TNS3: variants seen among roughly 807,000 people sequenced by gnomAD.
TNS3 encodes the protein tensin-3.
Under a neutral mutation model 140.9 loss-of-function variants are expected in TNS3, and 45 were observed. The ratio of observed to expected loss-of-function variants is 0.32; its 90% confidence interval spans 0.25 to 0.41. TNS3 has a LOEUF of 0.41. Among genes scored for constraint, TNS3 ranks in the 10% least tolerant of loss-of-function variants. The pLI is 1.00. For synonymous variants in TNS3, 815 were observed against 788.4 expected, an observed-to-expected ratio of 1.03 and a Z score of -0.56; for missense variants, 1,716 against 1,906.7, an observed-to-expected ratio of 0.90 and a Z score of 1.86.
intron 1 of TNS3, among the ~76,000 whole-genome samples, chr7:47,549,634 C>G (rs1387941271): frequency 2.0e-5 from 3 of 152,116 alleles, no homozygotes; most frequent in Non-Finnish European, 2.9e-5. Context: ...GCTCACTTCC[C>G]CCAGATCCCT....
At chr7:47,329,285 G>C (rs527274184) in intron 20 of TNS3, among the ~76,000 whole-genome samples, 1 of 152,250 alleles carries the variant, frequency 6.6e-6, no homozygotes, top group Non-Finnish European at 1.5e-5. Flanking sequence ...TTCAAATGCT[G>C]GTGTGTCACC....
At chr7:47,487,725 C>A in intron 3 of TNS3, among the ~76,000 whole-genome samples, 1 of 152,236 alleles carries the variant, frequency 6.6e-6, no homozygotes. Context: ...AGAGACATCA[C>A]CTTATGCACA....
In TNS3 at chr7:47,304,950, G is replaced by A. The variant is rs1343442825; in HGVS notation, c.2704C>T (p.Pro902Ser). Residue 902 changes from proline to serine, a missense_variant, in exon 21 of 31, where the codon CCC becomes TCC. Around this residue, in one of 3 missense-constraint regions of TNS3, gnomAD observed 1,163 missense variants for 1,182.1 expected, o/e 0.98. Transcript: ENST00000311160. Reference protein sequence around the residue: ...LTHAVGMSESPIGPKSTMLRA... With the variant: ...LTHAVGMSESSIGPKSTMLRA... ...AGCATCGTGGATTTGGGTCCGATGG[G>A]GCTCTCTGACATCCCCACAGCGTGA... The A allele has an allele frequency of 2.1e-5, 30 of 1,423,472 alleles. No homozygotes were observed. Among genetic ancestry groups the A allele is most frequent in the Non-Finnish European group, 2.8e-5 (30 of 1,074,526 alleles). 88.2% of individuals were successfully genotyped at this position (1,423,472 alleles called of 1,614,324 possible).
intron 8 of TNS3, among the ~76,000 whole-genome samples, chr7:47,432,825 A>G (rs1375428205): frequency 6.6e-6 from 1 of 152,216 alleles, no homozygotes; most frequent in African/African-American, 2.4e-5. Flanking sequence ...AGCTCACAGG[A>G]TGTAGAAAAC....
At position 47,389,059 on chromosome 7, in the gene TNS3, AGAAGAAGAAGAAGAAGAAGAAGAAGAG is replaced by A. The variant is rs1349881152; in HGVS notation, c.1024+7714_1024+7740del. Among the ~76,000 whole-genome samples, 11 of 38,318 alleles carry A rather than the reference AGAAGAAGAAGAAGAAGAAGAAGAAGAG, an allele frequency of 2.9e-4. 1 individual carries two copies. Among genetic ancestry groups the A allele is most frequent in the African/African-American group, 1.0e-3 (10 of 10,046 alleles). 25.1% of individuals were successfully genotyped at this position (38,318 alleles called of 152,430 possible). A position where few individuals can be genotyped will look rare whatever the true frequency, so the allele number is the denominator to read the frequency against. On this transcript the variant is annotated intron_variant, in intron 16 of 30. Coordinates refer to ENST00000311160, the MANE Select transcript of TNS3 (RefSeq NM_022748.12). Reference sequence around the variant, plus strand: ...AAGAAGAAGAAGAAGAAGAAGAAGAAGAAGAAGAAGAAGAAGAAGAAGAAGAGGAAGAGGAAGAGGAAGCGGAAGCAG... The same window carrying A: ...AAGAAGAAGAAGAAGAAGAAGAAGAAGAAGAGGAAGAGGAAGCGGAAGCAG...
intron 20 of TNS3, among the ~76,000 whole-genome samples, chr7:47,334,889 G>A (rs1430361880): frequency 6.6e-6 from 1 of 152,052 alleles, no homozygotes; most frequent in Non-Finnish European, 1.5e-5. Context: ...TTACAGGCAT[G>A]AGCCACTGCG....
intron 1 of TNS3, among the ~76,000 whole-genome samples, chr7:47,541,228 G>A (rs1799776665): frequency 6.6e-6 from 1 of 152,126 alleles, no homozygotes; most frequent in Non-Finnish European, 1.5e-5. Context: ...TCTAGAATGG[G>A]GGACATTATA....
chr7:47,353,877 C>T (rs1366364175), intron 17 of TNS3, among the ~76,000 whole-genome samples: 1 of 152,080 alleles, frequency 6.6e-6, no homozygotes, highest in Non-Finnish European at 1.5e-5. Context: ...TCAGGTCTCA[C>T]TCCGCAACCT....
At chr7:47,556,740 G>T (rs1193527399) in intron 1 of TNS3, among the ~76,000 whole-genome samples, 1 of 152,344 alleles carries the variant, frequency 6.6e-6, no homozygotes, top group East Asian at 1.9e-4. Context: ...ATCTTCAGGG[G>T]CTGCAAAGTG....
chr7:47,368,522 C>T lies in TNS3; in HGVS notation c.2124G>A (p.Glu708=), dbSNP rs745461538. 6 of 1,590,164 alleles carry T rather than the reference C, an allele frequency of 3.8e-6. No individual in the cohort carries two copies. The South Asian group carries it at 6.8e-5, about 18-fold the overall frequency. Residue 708 remains glutamate (E), a synonymous_variant, in exon 17 of 31, where the codon GAG becomes GAA. Transcript: ENST00000311160. ...GGATGGGCTCGAAGGTGGGATCCAG[C>T]TCCAGGATCAGCCTGTTGAGCTGCT... ...SIEQLNRLIL[E]LDPTFEPIPT...
chr7:47,395,294 C>T (rs929995933), intron 16 of TNS3, among the ~76,000 whole-genome samples: 2 of 152,184 alleles, frequency 1.3e-5, no homozygotes, highest in East Asian at 1.9e-4. Flanking sequence ...ATTTAGGATG[C>T]TAAGTCAGCT....
intron 17 of TNS3, among the ~76,000 whole-genome samples, chr7:47,356,729 TATC>T (rs1191094332): frequency 6.6e-6 from 1 of 152,140 alleles, no homozygotes; most frequent in Non-Finnish European, 1.5e-5. Flanking sequence ...ACAAACAAAA[TATC>T]ATGTTAAACA....
rs549790406 is a variant in TNS3 at position 47,434,904 on chromosome 7, T to A, written c.324+378A>T. Among the ~76,000 whole-genome samples, 5 of 152,362 alleles carry A rather than the reference T, an allele frequency of 3.3e-5. No homozygotes were observed. The East Asian group carries it at 9.6e-4, about 29-fold the overall frequency. ...CTGATTACCATAACTCAAGATGGCA[T>A]GGAAAGTCTGACACAGTCCATCTGA... On this transcript the variant is annotated intron_variant, in intron 8 of 30. Coordinates refer to ENST00000311160, the MANE Select transcript of TNS3 (RefSeq NM_022748.12).
intron 17 of TNS3, among the ~76,000 whole-genome samples, chr7:47,346,850 G>C (rs770227427): frequency 6.6e-6 from 1 of 152,118 alleles, no homozygotes; most frequent in Non-Finnish European, 1.5e-5. Flanking sequence ...ATTCTGGAGA[G>C]GGAAAAAACC....
chr7:47,574,789 A>C (rs139593682), intron 1 of TNS3, among the ~76,000 whole-genome samples: 169 of 152,306 alleles, frequency 1.1e-3, no homozygotes, highest in Non-Finnish European at 1.9e-3. Context: ...TTCCACTTGT[A>C]TGAGGCACCC....
intron 13 of TNS3, among the ~76,000 whole-genome samples, chr7:47,406,594 A>G (rs956829358): frequency 6.6e-6 from 1 of 152,206 alleles, no homozygotes; most frequent in African/African-American, 2.4e-5. Context: ...CCGCCTGGGA[A>G]GCCACTTTCC....
chr7:47,475,551 C>T (rs964378911), intron 4 of TNS3, among the ~76,000 whole-genome samples: 1 of 152,198 alleles, frequency 6.6e-6, no homozygotes, highest in Admixed American at 6.5e-5. Flanking sequence ...GGGCCAGGCC[C>T]TCCCTGGACT....
At chr7:47,475,536 G>T (rs867530715) in intron 4 of TNS3, among the ~76,000 whole-genome samples, 2 of 152,054 alleles carry the variant, frequency 1.3e-5, no homozygotes, top group African/African-American at 4.8e-5. Flanking sequence ...ACTTCCCCGG[G>T]GGGGGGGCCA....
intron 20 of TNS3, among the ~76,000 whole-genome samples, chr7:47,318,422 T>C (rs185317305): frequency 6.6e-6 from 1 of 152,336 alleles, no homozygotes; most frequent in African/African-American, 2.4e-5. Context: ...GAGTTGGGAC[T>C]GGTTACTTGC....
Sources: gnomAD v4.1 joint callset for allele counts (sites outside exome capture counted in the v4.1 genomes callset) on GRCh38, gnomAD v4.1.1 for gene constraint, gnomAD v4.1.1 regional missense constraint, MANE v1.5 for transcripts, NCBI Gene and HGNC (gene_info 2026-07-23, HGNC 2026-07-21) for gene names.